TSPAN18: variants seen among roughly 807,000 people sequenced by gnomAD.
TSPAN18 encodes the protein tetraspanin-18.
Under a neutral mutation model 27.3 loss-of-function variants are expected in TSPAN18, and 14 were observed. That is an observed-to-expected ratio of 0.51 (90% CI 0.34 to 0.80). The LOEUF is 0.80. Among genes scored for constraint, TSPAN18 ranks in the 30% least tolerant of loss-of-function variants. The pLI is 0.01. For missense variants in TSPAN18, 268 were observed against 323.9 expected (o/e 0.83, Z 1.32); for synonymous variants, 143 against 136.5 (o/e 1.05, Z -0.33).
intron 3 of TSPAN18, among the ~76,000 whole-genome samples, chr11:44,888,319 GGGTAACTCA>G (rs1382679185): frequency 7.0e-4 from 106 of 152,266 alleles, no homozygotes; most frequent in African/African-American, 2.6e-3. Context: ...GTTTACCCCT[GGGTAACTCA>G]GGAATAATTC....
intron 3 of TSPAN18, among the ~76,000 whole-genome samples, chr11:44,879,584 G>A (rs1423074799): frequency 1.3e-5 from 2 of 152,250 alleles, no homozygotes; most frequent in Non-Finnish European, 2.9e-5. Flanking sequence ...AGGTGCCAAG[G>A]TCCTGAGGCG....
chr11:44,917,856 C>A lies in TSPAN18; in HGVS notation c.259-116C>A, dbSNP rs539879947. ...TCTGATAGCAGTGGAGTGCCTTAAT[C>A]TTACAAAATGAGTATACTGCGTCAC... is the stretch of plus-strand genomic sequence containing the variant. On this transcript the variant is annotated intron_variant, in intron 5 of 9. Coordinates refer to ENST00000520358, the MANE Select transcript of TSPAN18 (RefSeq NM_130783.5). 73 of 925,116 alleles carry A rather than the reference C, an allele frequency of 7.9e-5. No homozygotes were observed. The African/African-American group carries it at 1.1e-3, about 14-fold the overall frequency. 57.3% of individuals were successfully genotyped at this position (925,116 alleles called of 1,614,324 possible).
intron 8 of TSPAN18, 199 bp from the exon 9 acceptor site, chr11:44,926,475 G>T (rs1354642449): frequency 8.5e-6 from 5 of 584,836 alleles, no homozygotes; most frequent in Non-Finnish European, 1.5e-5. Context: ...TGGCAAAGAG[G>T]GTCTTTGGTG....
Position 44,811,125 on chromosome 11 carries a change from AACACACACACACACACACACACAC to A in TSPAN18, c.-153+46640_-153+46663del, listed in dbSNP as rs61153202. 4.2e-5 allele frequency among the ~76,000 whole-genome samples: 6 copies of A among 142,570 alleles called. 1 individual carries two copies. The East Asian group carries it at 8.7e-4, about 21-fold the overall frequency. 93.5% of individuals were successfully genotyped at this position (142,570 alleles called of 152,430 possible). The stretch of plus-strand genomic sequence containing the variant: ...ATCCCTAGTCAATAACTGGAGTTTT[AACACACACACACACACACACACAC>A]ACACACACACACACACACACACACA... On this transcript the variant is annotated intron_variant, in intron 2 of 9. Transcript: ENST00000520358.
At chr11:44,870,638 A>G (rs1036727541) in intron 3 of TSPAN18, among the ~76,000 whole-genome samples, 1 of 152,082 alleles carries the variant, frequency 6.6e-6, no homozygotes, top group African/African-American at 2.4e-5. Flanking sequence ...GTGTCATTTG[A>G]TCTTTGGTTT....
chr11:44,872,093 AT>A (rs372493391), intron 3 of TSPAN18, among the ~76,000 whole-genome samples: 2 of 150,784 alleles, frequency 1.3e-5, no homozygotes, highest in South Asian at 4.2e-4. Context: ...CGCCTGGCTA[AT>A]TTTTTTTTGT....
chr11:44,742,226 G>A (rs532734525), intron 1 of TSPAN18, among the ~76,000 whole-genome samples: 1 of 150,982 alleles, frequency 6.6e-6, no homozygotes, highest in East Asian at 1.9e-4. Flanking sequence ...CCTTGGTGTT[G>A]CTTCTTGTAG....
intron 2 of TSPAN18, among the ~76,000 whole-genome samples, chr11:44,774,013 C>T (rs575523665): frequency 1.3e-4 from 20 of 152,294 alleles, no homozygotes; most frequent in African/African-American, 4.8e-4. Flanking sequence ...CCCTCTCTCT[C>T]CTTCCCTTTC....
At chr11:44,853,244 G>A (rs1403676518) in intron 2 of TSPAN18, among the ~76,000 whole-genome samples, 2 of 152,162 alleles carry the variant, frequency 1.3e-5, no homozygotes, top group Non-Finnish European at 2.9e-5. Context: ...TATAGCTGGG[G>A]ACTGGGTGAG....
At chr11:44,733,837 A>G (rs934732261) in intron 1 of TSPAN18, among the ~76,000 whole-genome samples, 3 of 152,146 alleles carry the variant, frequency 2.0e-5, no homozygotes, top group Non-Finnish European at 2.9e-5. Context: ...GTGTACCCCC[A>G]TGCTGGCCCA....
chr11:44,815,845 C>T (rs908757228), intron 2 of TSPAN18, among the ~76,000 whole-genome samples: 3 of 152,006 alleles, frequency 2.0e-5, no homozygotes, highest in South Asian at 4.1e-4. Flanking sequence ...AGAAGTGTGC[C>T]GGGCCGAGAG....
intron 2 of TSPAN18, among the ~76,000 whole-genome samples, chr11:44,814,689 C>CCATCCACCCAT (rs55970649): frequency 6.9e-6 from 1 of 144,372 alleles, no homozygotes; most frequent in African/African-American, 2.6e-5. Context: ...CATCCATCCA[C>CCATCCACCCAT]CCACCCACCC....
chr11:44,881,691 C>T (rs970890665), intron 3 of TSPAN18, among the ~76,000 whole-genome samples: 5 of 152,178 alleles, frequency 3.3e-5, no homozygotes, highest in African/African-American at 9.7e-5. Flanking sequence ...TTATCCTTTC[C>T]AACTGGCAGG....
At chr11:44,796,350 GA>G (rs1464671193) in intron 2 of TSPAN18, among the ~76,000 whole-genome samples, 1 of 152,170 alleles carries the variant, frequency 6.6e-6, no homozygotes, top group Non-Finnish European at 1.5e-5. Context: ...TGATTCATGG[GA>G]AATGGATGGC....
chr11:44,747,294 G>A (rs1855102771), intron 1 of TSPAN18, among the ~76,000 whole-genome samples: 1 of 152,258 alleles, frequency 6.6e-6, no homozygotes, highest in Non-Finnish European at 1.5e-5. Flanking sequence ...ACTTCAGCAA[G>A]GAGCTCGTTG....
At chr11:44,791,345 G>A (rs1250786499) in intron 2 of TSPAN18, among the ~76,000 whole-genome samples, 2 of 152,174 alleles carry the variant, frequency 1.3e-5, no homozygotes, top group Non-Finnish European at 2.9e-5. Flanking sequence ...TGCCTGAAGT[G>A]CATCTATAAT....
chr11:44,753,765 T>A (rs185670180), intron 1 of TSPAN18, among the ~76,000 whole-genome samples: 47 of 152,328 alleles, frequency 3.1e-4, no homozygotes, highest in Non-Finnish European at 5.3e-4. Flanking sequence ...TACAAAAGGA[T>A]GAGCTGTGCT....
At chr11:44,798,140 G>A (rs554557237) in intron 2 of TSPAN18, among the ~76,000 whole-genome samples, 45 of 152,298 alleles carry the variant, frequency 3.0e-4, no homozygotes, top group African/African-American at 8.7e-4. Context: ...CCTGAAGAGG[G>A]TCAGAGAGGC....
intron 2 of TSPAN18, among the ~76,000 whole-genome samples, chr11:44,835,340 CAT>C (rs1300576213): frequency 6.6e-6 from 1 of 152,236 alleles, no homozygotes; most frequent in Non-Finnish European, 1.5e-5. Flanking sequence ...AGAGGCACAG[CAT>C]ATCCATATAG....
Sources: allele counts gnomAD v4.1 joint callset (sites outside exome capture counted in the v4.1 genomes callset), GRCh38; gene constraint gnomAD v4.1.1; transcripts MANE v1.5; gene names NCBI Gene and HGNC (gene_info 2026-07-23, HGNC 2026-07-21).